Variants in SAMD5 observed in about 807,000 individuals in gnomAD.
The protein encoded by SAMD5 is sterile alpha motif domain-containing protein 5.
In SAMD5, 13 loss-of-function variants were observed where a neutral mutation model predicts 11.3. The ratio of observed to expected loss-of-function variants is 1.15; its 90% CI spans 0.75 to 1.83. SAMD5 has a LOEUF of 1.83. SAMD5 is among the 40% of genes most tolerant of loss of function. The pLI, the probability that SAMD5 is intolerant of heterozygous loss-of-function variation, is 0.00. For missense variants in SAMD5, 255 were observed against 239.1 expected (o/e 1.07, Z -0.44); for synonymous variants, 129 against 111.3 (o/e 1.16, Z -1.00).
At chr6:147,860,052 T>G in the SAMD5 span, among the ~76,000 whole-genome samples, 1 of 152,256 alleles carries the variant, frequency 6.6e-6, no homozygotes, top group African/African-American at 2.4e-5. Context: ...CAGCTGAAAT[T>G]TATCGTCCCA....
At chr6:147,845,803 T>A in the SAMD5 span, among the ~76,000 whole-genome samples, 1 of 152,232 alleles carries the variant, frequency 6.6e-6, no homozygotes, top group Non-Finnish European at 1.5e-5. Context: ...TCAATCACTC[T>A]GGAAAATAAT....
At chr6:147,621,250 G>C (rs897645055) in intron 1 of SAMD5, among the ~76,000 whole-genome samples, 1 of 152,142 alleles carries the variant, frequency 6.6e-6, no homozygotes, top group Non-Finnish European at 1.5e-5. Context: ...AATTTTAGAA[G>C]TATGAAATAA....
At chr6:147,930,141 T>A in the SAMD5 span, among the ~76,000 whole-genome samples, 2 of 152,200 alleles carry the variant, frequency 1.3e-5, no homozygotes, top group African/African-American at 2.4e-5. Context: ...GGCAGCCAAG[T>A]ACTTTGCTAT....
downstream of SAMD5, among the ~76,000 whole-genome samples, chr6:147,570,206 A>T (rs574964265): frequency 6.6e-6 from 1 of 152,300 alleles, no homozygotes; most frequent in African/African-American, 2.4e-5. Context: ...AAGTGAAATA[A>T]ATCCATCTTA....
chr6:147,769,436 T>C, the SAMD5 span, among the ~76,000 whole-genome samples: 1 of 152,208 alleles, frequency 6.6e-6, no homozygotes, highest in African/African-American at 2.4e-5. Flanking sequence ...CTTGGCTTCT[T>C]CCACTCCCAT....
At chr6:147,791,836 G>A in the SAMD5 span, among the ~76,000 whole-genome samples, 156 of 152,268 alleles carry the variant, frequency 1.0e-3, 1 homozygote, top group African/African-American at 3.6e-3. Flanking sequence ...AAGCCAGTCC[G>A]AGAAGGCTGC....
the SAMD5 span, among the ~76,000 whole-genome samples, chr6:147,888,122 A>G: frequency 2.0e-5 from 3 of 152,080 alleles, 1 homozygote; most frequent in East Asian, 5.8e-4. Flanking sequence ...TTCTCTTACC[A>G]GTATATTCTA....
In SAMD5 at chr6:147,613,059, T is replaced by C. The variant is rs146456846; in HGVS notation, c.162+103672T>C. On this transcript the variant is annotated intron_variant, in intron 1 of 1. Coordinates refer to the SAMD5 transcript ENST00000566741. ...ATTAAAAATACAAAAAAATTAGCCA[T>C]GTGTAGTGGCATGCGCCCATAGTCC... Among the ~76,000 whole-genome samples, 1,160 of 152,058 alleles carry C rather than the reference T, an allele frequency of 7.6e-3. 9 individuals are homozygous for C. Among genetic ancestry groups the C allele is most frequent in the African/African-American group, 0.026 (1,088 of 41,474 alleles).
At position 147,568,147 on chromosome 6, in the gene SAMD5, C is replaced by T. The variant is rs573705260; in HGVS notation, c.*3691C>T. The T allele has an allele frequency of 5.7e-5, 56 of 985,216 alleles. No individual in the cohort carries two copies. The African/African-American group carries it at 9.3e-4, about 16-fold the overall frequency. The allele number at this position is 985,216 out of a possible 1,614,324, so 61.0% of individuals were successfully genotyped here. On this transcript the variant is annotated 3_prime_UTR_variant, in exon 2 of 2. Transcript: ENST00000367474. ...AAATTAGGAGTGCAAATGGGCTGTT[C>T]CCCGATAGCATCTTCTGGGAAGAAT... is the stretch of plus-strand genomic sequence containing the variant.
the SAMD5 span, among the ~76,000 whole-genome samples, chr6:147,901,661 G>A: frequency 1.3e-5 from 2 of 152,188 alleles, no homozygotes; most frequent in African/African-American, 4.8e-5. Context: ...ATCTGAAAGA[G>A]TGGAAAAGAA....
intron 1 of SAMD5, among the ~76,000 whole-genome samples, chr6:147,532,244 C>T (rs1300811901): frequency 6.6e-6 from 1 of 152,146 alleles, no homozygotes; most frequent in East Asian, 1.9e-4. Context: ...CTGAGCAGTG[C>T]ACACTGTACC....
chr6:147,914,955 T>C, the SAMD5 span, among the ~76,000 whole-genome samples: 9 of 152,158 alleles, frequency 5.9e-5, no homozygotes, highest in Admixed American at 4.6e-4. Context: ...TTACATATCA[T>C]AAAAGGCAAA....
At chr6:147,784,240 G>T in the SAMD5 span, among the ~76,000 whole-genome samples, 1 of 151,916 alleles carries the variant, frequency 6.6e-6, no homozygotes, top group Non-Finnish European at 1.5e-5. Flanking sequence ...TTCTTTTCTA[G>T]CCCATAGGAA....
At chr6:147,603,314 A>T (rs2128448373) in intron 1 of SAMD5, among the ~76,000 whole-genome samples, 1 of 152,254 alleles carries the variant, frequency 6.6e-6, no homozygotes, top group Non-Finnish European at 1.5e-5. Flanking sequence ...CTATACAATA[A>T]TTTTTCTGAG....
At chr6:147,553,158 A>G (rs904570927) in intron 1 of SAMD5, among the ~76,000 whole-genome samples, 8 of 152,176 alleles carry the variant, frequency 5.3e-5, no homozygotes, top group African/African-American at 4.8e-5. Flanking sequence ...AATCCTCATG[A>G]TAACTCTCTG....
At position 147,564,809 on chromosome 6, in the gene SAMD5, G is replaced by A. The variant is rs534352849; in HGVS notation, c.*353G>A. 6.1e-6 allele frequency: 6 copies of A among 991,620 alleles called. No individual in the cohort carries two copies. The South Asian group carries it at 1.4e-4, about 23-fold the overall frequency. 61.4% of individuals were successfully genotyped at this position (991,620 alleles called of 1,614,324 possible). A position where few individuals can be genotyped will look rare whatever the true frequency, so the allele number is the denominator to read the frequency against. Reference sequence around the variant, plus strand: ...GCATTTGAGTCATAACTTAGTTTAAGTACAATATAACAAAAAGGTAGATTT... The same window carrying A: ...GCATTTGAGTCATAACTTAGTTTAAATACAATATAACAAAAAGGTAGATTT... On this transcript the variant is annotated 3_prime_UTR_variant, in exon 2 of 2. Transcript: ENST00000367474.
downstream of SAMD5, chr6:147,570,083 T>C (rs935335071): frequency 1.1e-5 from 9 of 843,550 alleles, no homozygotes; most frequent in Non-Finnish European, 1.3e-5. Context: ...AGTTTGTGCA[T>C]TGTTTAAATT....
At chr6:147,676,287 C>T (rs1790862458) in intron 1 of SAMD5, 1 of 152,122 alleles carries the variant, frequency 6.6e-6, no homozygotes, top group Non-Finnish European at 1.5e-5. Flanking sequence ...CAACTCTGGA[C>T]ACCGAGATAC....
chr6:147,677,436 C>A (rs2128456038), intron 1 of SAMD5, among the ~76,000 whole-genome samples: 1 of 152,162 alleles, frequency 6.6e-6, no homozygotes, highest in African/African-American at 2.4e-5. Flanking sequence ...AAAGGAGTGG[C>A]TGCCATTGGG....
Sources: gnomAD v4.1 joint callset for allele counts (sites outside exome capture counted in the v4.1 genomes callset) on GRCh38, gnomAD v4.1.1 for gene constraint, MANE v1.5 for transcripts, NCBI Gene and HGNC (gene_info 2026-07-23, HGNC 2026-07-21) for gene names.